The following DNAJC5 variants were observed in gnomAD, a reference collection of about 807,000 sequenced individuals.
DNAJC5 encodes the protein dnaJ homolog subfamily C member 5.
In DNAJC5, 1 loss-of-function variant was observed where a neutral mutation model predicts 23.2. The observed-to-expected ratio is 0.04, with a 90% CI of 0.02 to 0.20. DNAJC5 has a LOEUF of 0.20. Among genes scored for constraint, DNAJC5 ranks in the 10% least tolerant of loss-of-function variants. DNAJC5 has a pLI of 1.00. For missense variants in DNAJC5, 180 were observed against 267.0 expected, an observed-to-expected ratio of 0.67 and a Z score of 2.27; for synonymous variants, 136 against 120.0, an observed-to-expected ratio of 1.13 and a Z score of -0.87.
chr20:63,924,718 G>A (rs1289697325), intron 1 of DNAJC5, among the ~76,000 whole-genome samples: 1 of 152,234 alleles, frequency 6.6e-6, no homozygotes, highest in Non-Finnish European at 1.5e-5. Context: ...GTGCAGTGGT[G>A]CGTGCCTGTA....
chr20:63,910,031 A>G (rs965429604), intron 1 of DNAJC5, among the ~76,000 whole-genome samples: 1 of 152,206 alleles, frequency 6.6e-6, no homozygotes, highest in African/African-American at 2.4e-5. Flanking sequence ...TTTCTTCTCT[A>G]GTGTTGCACA....
chr20:63,905,650 A>G (rs1206515013), intron 1 of DNAJC5, among the ~76,000 whole-genome samples: 2 of 149,112 alleles, frequency 1.3e-5, no homozygotes, highest in Admixed American at 6.7e-5. Flanking sequence ...TCTCACTGCA[A>G]CCTCCGCCTC....
In DNAJC5 at chr20:63,935,127, T is replaced by C. The variant is rs1221408354; in HGVS notation, c.*3559T>C. 1 of 152,340 alleles carries C rather than the reference T, an allele frequency of 6.6e-6. No individual in the cohort carries two copies. Among genetic ancestry groups the C allele is most frequent in the Non-Finnish European group, 1.5e-5 (1 of 68,100 alleles). 9.4% of individuals were successfully genotyped at this position (152,340 alleles called of 1,614,324 possible). A position where few individuals can be genotyped will look rare whatever the true frequency, so the allele number is the denominator to read the frequency against. On this transcript the variant is annotated 3_prime_UTR_variant, in exon 5 of 5. Coordinates refer to ENST00000360864, the MANE Select transcript of DNAJC5 (RefSeq NM_025219.3). ...GAATTGGCAAAAGCTACATTTTTAC[T>C]GTCCTTACCAGCAACAGTTTGCGTC...
At chr20:63,899,727 G>A (rs751166274) in intron 1 of DNAJC5, among the ~76,000 whole-genome samples, 14 of 151,876 alleles carry the variant, frequency 9.2e-5, no homozygotes, top group Non-Finnish European at 1.6e-4. Context: ...GACTACAGGC[G>A]GTCGCCACCA....
intron 1 of DNAJC5, among the ~76,000 whole-genome samples, chr20:63,915,346 G>A (rs1224634799): frequency 1.3e-5 from 2 of 151,920 alleles, no homozygotes; most frequent in African/African-American, 2.4e-5. Context: ...GTTCAGCGAC[G>A]GGCGTGTAGT....
At chr20:63,896,560 C>G (rs1332518618) in intron 1 of DNAJC5, among the ~76,000 whole-genome samples, 1 of 152,172 alleles carries the variant, frequency 6.6e-6, no homozygotes, top group East Asian at 1.9e-4. Flanking sequence ...CCTGCCATAT[C>G]AGCCTCCTTG....
chr20:63,912,938 T>A (rs1408914953), intron 1 of DNAJC5, among the ~76,000 whole-genome samples: 1 of 152,160 alleles, frequency 6.6e-6, no homozygotes, highest in African/African-American at 2.4e-5. Flanking sequence ...CATCACAGAT[T>A]TTAAATTAAG....
At chr20:63,921,953 A>G (rs1426045473) in intron 1 of DNAJC5, among the ~76,000 whole-genome samples, 2 of 151,876 alleles carry the variant, frequency 1.3e-5, no homozygotes, top group African/African-American at 2.4e-5. Flanking sequence ...TAATTTTTGT[A>G]TTTGTAGTAG....
At chr20:63,903,814 A>T (rs1454548785) in intron 1 of DNAJC5, among the ~76,000 whole-genome samples, 1 of 152,152 alleles carries the variant, frequency 6.6e-6, no homozygotes, top group Non-Finnish European at 1.5e-5. Context: ...GGGCAGGTGC[A>T]GTGGCTGACA....
chr20:63,907,829 G>A (rs1014256359), intron 1 of DNAJC5, among the ~76,000 whole-genome samples: 7 of 152,182 alleles, frequency 4.6e-5, no homozygotes, highest in African/African-American at 1.7e-4. Flanking sequence ...GCAGTGGCGC[G>A]ATCTCGGCTC....
chr20:63,931,456 G>A lies in DNAJC5; in HGVS notation c.494-9G>A. On this transcript the variant is annotated splice_polypyrimidine_tract_variant and intron_variant, in intron 4 of 4. Transcript: ENST00000360864. This position sits in a 1 kb window ranked among gnomAD's most constrained non-coding sequence, Gnocchi z 9.6. ...CCCTCGTGCAGTGCCCTGTGTGCTT[G>A]CTTTTCAGAGGCCACAGACACGCCG... 1.3e-6 allele frequency: 2 copies of A among 1,548,450 alleles called. No individual in the cohort carries two copies. Among genetic ancestry groups the A allele is most frequent in the South Asian group, 2.4e-5 (2 of 84,630 alleles).
chr20:63,925,402 G>T (rs1231653785), intron 1 of DNAJC5, among the ~76,000 whole-genome samples: 1 of 152,184 alleles, frequency 6.6e-6, no homozygotes, highest in East Asian at 1.9e-4. Flanking sequence ...AGAATCGCTT[G>T]AACCCGGGAG....
chr20:63,909,505 AAACAACAACAAG>A (rs1555877793), intron 1 of DNAJC5, among the ~76,000 whole-genome samples: 1 of 151,944 alleles, frequency 6.6e-6, no homozygotes, highest in Non-Finnish European at 1.5e-5. Flanking sequence ...TCCGTCTCAA[AAACAACAACAAG>A]AACAACAACA....
chr20:63,916,129 G>C (rs2053514176), intron 1 of DNAJC5, among the ~76,000 whole-genome samples: 1 of 152,166 alleles, frequency 6.6e-6, no homozygotes, highest in African/African-American at 2.4e-5. Context: ...TGTATTTTTA[G>C]TAGAGATGGG....
chr20:63,897,424 G>A (rs979369762), intron 1 of DNAJC5, among the ~76,000 whole-genome samples: 4 of 151,858 alleles, frequency 2.6e-5, no homozygotes, highest in Non-Finnish European at 4.4e-5. Context: ...AAATTAGCTG[G>A]TTGTGGTGGT....
intron 1 of DNAJC5, among the ~76,000 whole-genome samples, chr20:63,895,952 G>A (rs61541144): frequency 0.083 from 12,662 of 152,224 alleles, 600 homozygotes; most frequent in East Asian, 0.13. Context: ...CTAACTTGTT[G>A]GTGTTAAGTG....
In DNAJC5 at chr20:63,934,237, C is replaced by T. The variant is rs1408777760; in HGVS notation, c.*2669C>T. The T allele has an allele frequency of 2.6e-5, 4 of 152,208 alleles. No homozygotes were observed. The highest frequency in any genetic ancestry group is 1.3e-4 in the Admixed American group (2 of 15,286). The allele number at this position is 152,208 out of a possible 1,614,324, so 9.4% of individuals were successfully genotyped here. On this transcript the variant is annotated 3_prime_UTR_variant, in exon 5 of 5. Coordinates refer to ENST00000360864, the MANE Select transcript of DNAJC5 (RefSeq NM_025219.3). The stretch of plus-strand genomic sequence containing the variant: ...CTCTCTTTCTTGAGTGGACTGTTTC[C>T]CTATAATTAAAAGAGGTGGTGAGTC...
chr20:63,896,808 G>C (rs1015937787), intron 1 of DNAJC5, among the ~76,000 whole-genome samples: 2 of 152,198 alleles, frequency 1.3e-5, no homozygotes, highest in African/African-American at 4.8e-5. Context: ...ACAGTTGCTG[G>C]CACATGATCG....
At chr20:63,925,874 C>T (rs2053609849) in intron 1 of DNAJC5, among the ~76,000 whole-genome samples, 1 of 143,942 alleles carries the variant, frequency 6.9e-6, no homozygotes, top group African/African-American at 2.6e-5. Flanking sequence ...GTCGCCCAGG[C>T]TGGAGTGCAG....
Sources: gnomAD v4.1 joint callset for allele counts (sites outside exome capture counted in the v4.1 genomes callset) on GRCh38, gnomAD v4.1.1 for gene constraint, Gnocchi (gnomAD v3.1) non-coding constraint, MANE v1.5 for transcripts, NCBI Gene and HGNC (gene_info 2026-07-23, HGNC 2026-07-21) for gene names.